Variants in VPS72 observed in about 807,000 individuals in gnomAD.
The protein encoded by VPS72 is vacuolar protein sorting-associated protein 72 homolog.
VPS72 carries 27 observed loss-of-function variants against 38.9 expected under a neutral mutation model. That is an observed-to-expected ratio of 0.69 (90% CI 0.51 to 0.96). The LOEUF (loss-of-function observed/expected upper bound fraction) is 0.96. Ranked by LOEUF, VPS72 falls within the 40% of genes least tolerant of loss-of-function variation. The probability of loss-of-function intolerance (pLI) is 0.00; values close to 1 mark genes in which losing one functional copy is unlikely to be tolerated. For synonymous variants in VPS72, 173 were observed against 186.3 expected (o/e 0.93, Z 0.58); for missense variants, 360 against 479.5 (o/e 0.75, Z 2.33).
At chr1:151,180,472 T>C (rs1304721585) in intron 4 of VPS72, among the ~76,000 whole-genome samples, 2 of 151,828 alleles carry the variant, frequency 1.3e-5, no homozygotes, top group Admixed American at 6.6e-5. Context: ...AGAGTCTTGC[T>C]CTGTCGCCAG....
intron 4 of VPS72, among the ~76,000 whole-genome samples, chr1:151,181,219 A>G (rs1684231144): frequency 6.6e-6 from 1 of 150,754 alleles, no homozygotes; most frequent in Non-Finnish European, 1.5e-5. Flanking sequence ...CCTCATCTCT[A>G]ACAACCTTCT....
rs587678772 is a variant in VPS72, at chr1:151,176,813, G to A, written c.926C>T (p.Pro309Leu). 1 of 1,614,150 alleles carries A rather than the reference G, an allele frequency of 6.2e-7. No individual in the cohort carries two copies. The highest frequency in any genetic ancestry group is 1.1e-5 in the South Asian group (1 of 91,082). The change falls in exon 6 of 6, where the codon CCC becomes CTC. Residue 309 changes from proline (P) to leucine (L), a missense_variant. Transcript: ENST00000368892. Reference sequence around the variant, plus strand: ...CTTGAAGGCTCGAGCAGTGGCATAGGGTATGTCTGTAACAGGGTCCCGGTA... The same window carrying A: ...CTTGAAGGCTCGAGCAGTGGCATAGAGTATGTCTGTAACAGGGTCCCGGTA... ...ALYRDPVTDI[P>L]YATARAFKII...
At position 151,177,974 on chromosome 1, in the gene VPS72, T is replaced by A. The variant is rs768988302; in HGVS notation, c.707+27A>T. 5.6e-6 allele frequency: 9 copies of A among 1,608,744 alleles called. No homozygotes were observed. The South Asian group carries it at 9.9e-5, about 18-fold the overall frequency. On this transcript the variant is annotated intron_variant, in intron 5 of 5. Coordinates refer to ENST00000368892, the MANE Select transcript of VPS72 (RefSeq NM_005997.3). ...AAGAGAACATGAGCTGAACACACAA[T>A]CTCTTTTCCTCTTGAGATTCACTCA... is the stretch of plus-strand genomic sequence containing the variant.
chr1:151,176,738 G>T lies in VPS72; in HGVS notation c.1001C>A (p.Pro334His), dbSNP rs587602433. Residue 334 changes from proline (P) to histidine (H), a missense_variant, in exon 6 of 6, where the codon CCC becomes CAC. Coordinates refer to ENST00000368892, the MANE Select transcript of VPS72 (RefSeq NM_005997.3). ...KKYITAHGLPPTASALGPGPP... is the reference protein window; with the variant it reads ...KKYITAHGLPHTASALGPGPP... ...GCCGGGGCCCAGGGCTGAGGCAGTG[G>T]GCGGCAGTCCATGGGCAGTAATGTA... 11 of 1,614,182 alleles carry T rather than the reference G, an allele frequency of 6.8e-6. No individual in the cohort carries two copies. The East Asian group carries it at 2.5e-4, about 36-fold the overall frequency.
intron 4 of VPS72, 72 bp downstream of exon 4, chr1:151,184,245 T>C (rs1572094499): frequency 6.4e-7 from 1 of 1,552,940 alleles, no homozygotes; most frequent in East Asian, 2.3e-5. Context: ...AGTTCTTTGG[T>C]CCTCCAGGTC....
At chr1:151,185,653 CAGA>C (rs755120550) in intron 2 of VPS72, 33 bp from the exon 3 acceptor site, 2 of 1,611,856 alleles carry the variant, frequency 1.2e-6, no homozygotes, top group Admixed American at 3.3e-5. Context: ...TACTGGGGAA[CAGA>C]AGAAGTCAGG....
chr1:151,178,694 AC>A (rs1262391988), intron 4 of VPS72, among the ~76,000 whole-genome samples: 2 of 150,908 alleles, frequency 1.3e-5, no homozygotes, highest in Non-Finnish European at 2.9e-5. Flanking sequence ...TCGCTCTTAA[AC>A]AACAAGAAAA....
intron 4 of VPS72, among the ~76,000 whole-genome samples, chr1:151,181,354 G>T (rs1684236400): frequency 6.6e-6 from 1 of 150,748 alleles, no homozygotes. Flanking sequence ...TCTCCTCAGT[G>T]ATTCTCAGCC....
Position 151,184,503 on chromosome 1 carries a change from A to G in VPS72, c.386-10T>C. On this transcript the variant is annotated splice_polypyrimidine_tract_variant and intron_variant, in intron 3 of 5. Coordinates refer to ENST00000368892, the MANE Select transcript of VPS72 (RefSeq NM_005997.3). ...CGCATAGACTTCCGACCTGGAAGAG[A>G]GTGAGATAAGAAGAAATCTTTGAAT... The G allele has an allele frequency of 6.3e-7, 1 of 1,594,270 alleles. No individual in the cohort carries two copies. Among genetic ancestry groups the G allele is most frequent in the Non-Finnish European group, 8.6e-7 (1 of 1,166,810 alleles).
intron 1 of VPS72, 120 bp downstream of exon 1, chr1:151,189,885 T>A: frequency 8.7e-7 from 1 of 1,151,852 alleles, no homozygotes; most frequent in Non-Finnish European, 1.3e-6. Context: ...CCCACCCAAC[T>A]CGAGTATCAG....
chr1:151,183,493 G>A (rs1017084430), intron 4 of VPS72, among the ~76,000 whole-genome samples: 1 of 148,710 alleles, frequency 6.7e-6, no homozygotes. Flanking sequence ...CAAACCAATC[G>A]CTCTGTAGCC....
chr1:151,190,145 C>T lies in VPS72; in HGVS notation c.-24G>A. 6.2e-7 allele frequency: 1 copy of T among 1,610,534 alleles called. No homozygotes were observed. Among genetic ancestry groups the T allele is most frequent in the Non-Finnish European group, 8.5e-7 (1 of 1,179,632 alleles). ...ATACCGCCTACCGAGACTGCGCCGC[C>T]ACCTGCAGCCCCTCACCAGCTCGGT... On this transcript the variant is annotated 5_prime_UTR_variant, in exon 1 of 6. Coordinates refer to ENST00000368892, the MANE Select transcript of VPS72 (RefSeq NM_005997.3).
At chr1:151,178,238 G>A in intron 4 of VPS72, 93 bp from the exon 5 acceptor site, 1 of 1,445,850 alleles carries the variant, frequency 6.9e-7, no homozygotes, top group South Asian at 1.4e-5. Context: ...TTATCTTCCT[G>A]GCTATCTAGT....
intron 1 of VPS72, 23 bp from the exon 2 acceptor site, chr1:151,185,973 G>A (rs781576694): frequency 2.5e-6 from 4 of 1,611,890 alleles, no homozygotes; most frequent in African/African-American, 1.3e-5. Flanking sequence ...GGAGATAAGG[G>A]TTGGCTGGCA....
At position 151,184,349 on chromosome 1, in the gene VPS72, T is replaced by C. The variant is rs778650824; in HGVS notation, c.530A>G (p.Lys177Arg). 6 of 1,614,026 alleles carry C rather than the reference T, an allele frequency of 3.7e-6. No individual in the cohort carries two copies. The African/African-American group carries it at 6.7e-5, about 18-fold the overall frequency. Reference sequence around the variant, plus strand: ...CCGTAAATTAAGCTCTTCTGTGATCTTGGCCTCCCGGAGCAGTTCCTCCTG... The same window carrying C: ...CCGTAAATTAAGCTCTTCTGTGATCCTGGCCTCCCGGAGCAGTTCCTCCTG... ...LTQEELLREA[K>R]ITEELNLRSL... The change falls in exon 4 of 6, where the codon AAG (lysine) becomes AGG (arginine). Residue 177 changes from lysine (K) to arginine (R), a missense_variant. This residue lies in a region of VPS72 where 294 missense variants were observed against 356.3 expected (regional missense o/e 0.83). Coordinates refer to ENST00000368892, the MANE Select transcript of VPS72 (RefSeq NM_005997.3).
At chr1:151,189,092 G>A (rs1382464768) in intron 1 of VPS72, among the ~76,000 whole-genome samples, 1 of 152,188 alleles carries the variant, frequency 6.6e-6, no homozygotes, top group African/African-American at 2.4e-5. Flanking sequence ...GCCTTCCAAA[G>A]TGCTGGGATT....
chr1:151,178,685 C>T (rs1011982474), intron 4 of VPS72, among the ~76,000 whole-genome samples: 4 of 151,974 alleles, frequency 2.6e-5, no homozygotes, highest in African/African-American at 9.7e-5. Context: ...GATTTCTGGT[C>T]GCTCTTAAAC....
chr1:151,184,551 T>C (rs1684307797), intron 3 of VPS72, 58 bp from the exon 4 acceptor site: 2 of 1,483,442 alleles, frequency 1.3e-6, no homozygotes, highest in African/African-American at 1.4e-5. Flanking sequence ...ATTTTATTTA[T>C]TTATTTTGAA....
chr1:151,184,520 T>C, intron 3 of VPS72, 27 bp from the exon 4 acceptor site: 1 of 1,561,456 alleles, frequency 6.4e-7, no homozygotes, highest in South Asian at 1.2e-5. Context: ...TAAGAAGAAA[T>C]CTTTGAATTC....
Sources: gnomAD v4.1 joint callset for allele counts (sites outside exome capture counted in the v4.1 genomes callset) on GRCh38, gnomAD v4.1.1 for gene constraint, gnomAD v4.1.1 regional missense constraint, MANE v1.5 for transcripts, NCBI Gene and HGNC (gene_info 2026-07-23, HGNC 2026-07-21) for gene names.